The following ADAMTS7 variants were observed in gnomAD, a reference collection of about 807,000 sequenced individuals.
The protein encoded by ADAMTS7 is ADAM metallopeptidase with thrombospondin type 1 motif 7, also known as A disintegrin and metalloproteinase with thrombospondin motifs 7.
In ADAMTS7, 89 loss-of-function variants were observed where a neutral mutation model predicts 172.6. The ratio of observed to expected loss-of-function variants is 0.52; its 90% CI spans 0.43 to 0.61. The LOEUF is 0.61. Ranked by LOEUF, ADAMTS7 falls within the 20% of genes least tolerant of loss-of-function variation. The pLI is 0.00. For missense variants in ADAMTS7, 1,973 were observed against 2,355.6 expected (o/e 0.84, Z 3.36); for synonymous variants, 885 against 978.4 (o/e 0.90, Z 1.78).
intron 1 of ADAMTS7, 96 bp from the exon 2 acceptor site, chr15:78,800,643 T>C: frequency 8.8e-7 from 1 of 1,142,204 alleles, no homozygotes; most frequent in South Asian, 1.4e-5. Context: ...AGGGGGCTGC[T>C]GGAGTCAGAG....
rs922262264 is a variant in ADAMTS7, at chr15:78,759,267, TA to T, written c.*153del. ...ATAAATGTTACACAAACTGTTAGAA[TA>T]AAAAAATACCTTTTTTGAGGGGGAG... On this transcript the variant is annotated 3_prime_UTR_variant, in exon 24 of 24. Coordinates refer to ENST00000388820, the MANE Select transcript of ADAMTS7 (RefSeq NM_014272.5). 9.5e-6 allele frequency: 6 copies of T among 633,616 alleles called. No individual in the cohort carries two copies. Among genetic ancestry groups the T allele is most frequent in the East Asian group, 3.2e-5 (1 of 31,382 alleles). The allele number at this position is 633,616 out of a possible 1,614,324, so 39.2% of individuals were successfully genotyped here.
In ADAMTS7 at chr15:78,788,430, G is replaced by A; in HGVS notation, c.1179-56C>T. 3 of 1,592,386 alleles carry A rather than the reference G, an allele frequency of 1.9e-6. No homozygotes were observed. The South Asian group carries it at 3.4e-5, about 18-fold the overall frequency. ...TGAGCCGGCGGGAGGCTGCCAGCCT[G>A]CCCTCCCCTGGACACCCACAAGGTG... On this transcript the variant is annotated intron_variant, in intron 7 of 23. Coordinates refer to ENST00000388820, the MANE Select transcript of ADAMTS7 (RefSeq NM_014272.5).
chr15:78,782,553 G>T (rs2055442832), intron 8 of ADAMTS7, among the ~76,000 whole-genome samples: 1 of 152,140 alleles, frequency 6.6e-6, no homozygotes, highest in Non-Finnish European at 1.5e-5. Context: ...CCACTATGAT[G>T]ACAGTAGAGG....
chr15:78,771,749 C>T lies in ADAMTS7; in HGVS notation c.2212G>A (p.Ala738Thr), dbSNP rs772818907. The T allele has an allele frequency of 6.2e-7, 1 of 1,612,060 alleles. No individual in the cohort carries two copies. The highest frequency in any genetic ancestry group is 1.1e-5 in the South Asian group (1 of 91,054). Reference protein sequence around the residue: ...QEVAEAANFLALRSEDPEKYF... With the variant: ...QEVAEAANFLTLRSEDPEKYF... ...TTCTCCGGGTCCTCGCTCCGCAGTG[C>T]CAGGAAGTTGGCAGCCTCGGCAACC... Residue 738 changes from alanine to threonine, a missense_variant, in exon 15 of 24, where the codon GCA (alanine) becomes ACA (threonine). Ala to Thr is a moderately conservative substitution (Grantham distance 58). This residue lies in a region of ADAMTS7 where 771 missense variants were observed against 952.6 expected (regional missense o/e 0.81). Transcript: ENST00000388820. This position sits in a 1 kb window ranked among gnomAD's most constrained non-coding sequence, Gnocchi z 4.9.
Position 78,763,929 on chromosome 15 carries a change from C to T in ADAMTS7, c.4590G>A (p.Arg1530=). The change falls in exon 21 of 24, where the codon AGG becomes AGA. Residue 1530 remains arginine, a synonymous_variant. Transcript: ENST00000388820. ...CAACTCAACGGCCAGGCCTCACCTCCCTCCAGGAAGATGTGTACCAGCTGA... is the reference window on the plus strand; with the variant it reads ...CAACTCAACGGCCAGGCCTCACCTCTCTCCAGGAAGATGTGTACCAGCTGA... ...PCLSWYTSSW[R]ECSEACGGGE... 4.5e-6 allele frequency: 7 copies of T among 1,548,974 alleles called. No individual in the cohort carries two copies. The highest frequency in any genetic ancestry group is 2.3e-5 in the East Asian group (1 of 43,052).
In ADAMTS7 at chr15:78,790,837, C is replaced by T. The variant is rs777773649; in HGVS notation, c.904-43G>A. 17 of 1,608,698 alleles carry T rather than the reference C, an allele frequency of 1.1e-5. No individual in the cohort carries two copies. In the South Asian group the frequency reaches 1.9e-4, roughly 18 times the overall value. Reference sequence around the variant, plus strand: ...GACTGCTCATGCCTCCCCTGAGTTCCAAGAAGGTCAGGCCCAATTCTCCCC... The same window carrying T: ...GACTGCTCATGCCTCCCCTGAGTTCTAAGAAGGTCAGGCCCAATTCTCCCC... On this transcript the variant is annotated intron_variant, in intron 5 of 23. Transcript: ENST00000388820.
intron 8 of ADAMTS7, among the ~76,000 whole-genome samples, chr15:78,778,179 A>T (rs1294225906): frequency 6.6e-6 from 1 of 152,202 alleles, no homozygotes; most frequent in Non-Finnish European, 1.5e-5. Flanking sequence ...GCCTTCCTCC[A>T]GCTGGCATTC....
At chr15:78,804,117 G>A (rs908960191) in intron 1 of ADAMTS7, among the ~76,000 whole-genome samples, 14 of 152,228 alleles carry the variant, frequency 9.2e-5, no homozygotes, top group African/African-American at 3.4e-4. Flanking sequence ...AACAGTGAGA[G>A]TGGCAGTGCT....
intron 17 of ADAMTS7, among the ~76,000 whole-genome samples, chr15:78,767,917 G>T (rs536846573): frequency 2.0e-5 from 3 of 151,218 alleles, no homozygotes; most frequent in African/African-American, 7.3e-5. Flanking sequence ...GGTAACCGGG[G>T]GTTGGGGCTT....
chr15:78,772,286 T>C (rs2055264076), intron 14 of ADAMTS7, among the ~76,000 whole-genome samples: 1 of 152,206 alleles, frequency 6.6e-6, no homozygotes, highest in South Asian at 2.1e-4. Context: ...TAGGTACTAT[T>C]GTTATCCCCA....
chr15:78,806,078 TCC>T (rs138221023), intron 1 of ADAMTS7, among the ~76,000 whole-genome samples: 1,643 of 89,468 alleles, frequency 0.018, 55 homozygotes, highest in African/African-American at 0.041. Context: ...AGACTCTGAC[TCC>T]CCCCCCCAAA....
intron 1 of ADAMTS7, among the ~76,000 whole-genome samples, chr15:78,804,775 T>C (rs1220469790): frequency 3.3e-5 from 5 of 152,238 alleles, no homozygotes; most frequent in East Asian, 1.9e-4. Context: ...TTCCCCATCA[T>C]TGAGCTTCAG....
intron 18 of ADAMTS7, among the ~76,000 whole-genome samples, 162 bp from the exon 19 acceptor site, chr15:78,767,213 G>A (rs2055171147): frequency 1.3e-5 from 2 of 152,152 alleles, no homozygotes; most frequent in South Asian, 4.1e-4. Flanking sequence ...CTGTGGCCAT[G>A]CTTGCCAGGG....
intron 11 of ADAMTS7, among the ~76,000 whole-genome samples, chr15:78,775,560 C>G (rs558040087): frequency 6.6e-6 from 1 of 152,240 alleles, no homozygotes; most frequent in South Asian, 2.1e-4. Flanking sequence ...CACCCCCACC[C>G]CCCCGTTTAG....
At chr15:78,781,369 C>G (rs2055425999) in intron 8 of ADAMTS7, among the ~76,000 whole-genome samples, 1 of 152,164 alleles carries the variant, frequency 6.6e-6, no homozygotes, top group African/African-American at 2.4e-5. Flanking sequence ...TCGGGAGGGC[C>G]CTGCTGCCTG....
intron 1 of ADAMTS7, among the ~76,000 whole-genome samples, chr15:78,801,131 A>G (rs1408219441): frequency 6.6e-6 from 1 of 152,198 alleles, no homozygotes; most frequent in Non-Finnish European, 1.5e-5. Flanking sequence ...ACCAAGGGAA[A>G]GCAGCCAGAA....
At chr15:78,759,808 G>A (rs1429074173) in intron 23 of ADAMTS7, among the ~76,000 whole-genome samples, 3 of 152,156 alleles carry the variant, frequency 2.0e-5, no homozygotes, top group African/African-American at 7.2e-5. Flanking sequence ...CTGGGCTGAG[G>A]TTTCTGGAGG....
At chr15:78,785,437 T>G (rs1259094741) in intron 8 of ADAMTS7, among the ~76,000 whole-genome samples, 1 of 151,010 alleles carries the variant, frequency 6.6e-6, no homozygotes, top group Non-Finnish European at 1.5e-5. Flanking sequence ...TAATCCCAGC[T>G]ACTTGGGAGG....
At chr15:78,789,603 G>C in intron 7 of ADAMTS7, 86 bp downstream of exon 7, 1 of 1,539,188 alleles carries the variant, frequency 6.5e-7, no homozygotes, top group East Asian at 2.3e-5. Context: ...CCTGGACTTT[G>C]TGACCCACAG....
Sources: gnomAD v4.1 joint callset for allele counts (sites outside exome capture counted in the v4.1 genomes callset) on GRCh38, gnomAD v4.1.1 for gene constraint, gnomAD v4.1.1 regional missense constraint, Gnocchi (gnomAD v3.1) non-coding constraint, MANE v1.5 for transcripts, NCBI Gene and HGNC (gene_info 2026-07-23, HGNC 2026-07-21) for gene names.